Variants in SLK observed in about 807,000 individuals in gnomAD.
The protein encoded by SLK is STE20 like kinase.
Under a neutral mutation model 147.7 loss-of-function variants are expected in SLK, and 67 were observed. The ratio of observed to expected loss-of-function variants is 0.45; its 90% CI spans 0.37 to 0.56. SLK has a LOEUF of 0.56. Ranked by LOEUF, SLK falls within the 20% of genes least tolerant of loss-of-function variation. The probability of loss-of-function intolerance (pLI) is 0.00; values close to 1 mark genes in which losing one functional copy is unlikely to be tolerated. For missense variants in SLK, 1,136 were observed against 1,438.8 expected (o/e 0.79, Z 3.41); for synonymous variants, 441 against 475.0 (o/e 0.93, Z 0.93).
At chr10:104,019,631 G>T (rs1007301567) in intron 15 of SLK, 103 bp from the exon 16 acceptor site, 4 of 905,722 alleles carry the variant, frequency 4.4e-6, no homozygotes, top group Non-Finnish European at 5.3e-6. Flanking sequence ...CAAGGGAGAG[G>T]GTAATTATAG....
chr10:103,993,319 A>T (rs1844125525), intron 4 of SLK, among the ~76,000 whole-genome samples, 186 bp downstream of exon 4: 1 of 152,100 alleles, frequency 6.6e-6, no homozygotes, highest in Non-Finnish European at 1.5e-5. Context: ...AAATATCAGC[A>T]CCTAATTGAA....
chr10:104,019,142 C>G, intron 15 of SLK: 1 of 365,914 alleles, frequency 2.7e-6, no homozygotes, highest in East Asian at 5.7e-5. Flanking sequence ...AGACGTTTTA[C>G]ACCTTGTAAT....
At chr10:103,968,146 A>C (rs1475624932) in intron 1 of SLK, among the ~76,000 whole-genome samples, 1 of 152,222 alleles carries the variant, frequency 6.6e-6, no homozygotes, top group Non-Finnish European at 1.5e-5. Context: ...CTACTCTTTC[A>C]AACTTCAAAG....
intron 11 of SLK, among the ~76,000 whole-genome samples, chr10:104,006,275 T>C (rs1589540565): frequency 2.0e-5 from 3 of 152,186 alleles, no homozygotes; most frequent in Admixed American, 2.0e-4. Context: ...GTTTATGGTG[T>C]GATGGGTTGT....
intron 13 of SLK, among the ~76,000 whole-genome samples, chr10:104,014,811 A>C (rs1224847888): frequency 1.3e-5 from 2 of 152,054 alleles, no homozygotes; most frequent in African/African-American, 4.8e-5. Flanking sequence ...TTTACAATTT[A>C]TGTGTTTACT....
rs771759095 is a variant in SLK, at chr10:104,025,712, G to A, written c.3700G>A (p.Gly1234Arg). Reference protein sequence around the residue: ...FYPIPSLHSTGS With the variant: ...FYPIPSLHSTRS ...TCCTATTCCCAGCTTGCATTCCACC[G>A]GATCATAACAAAGGGAAGCATTCTG... The change falls in exon 19 of 19, where the codon GGA becomes AGA. Residue 1234 changes from glycine (G) to arginine (R), a missense_variant. By Grantham distance (125) the Gly-to-Arg change is moderately radical. Coordinates refer to ENST00000369755, the MANE Select transcript of SLK (RefSeq NM_014720.4). 13 of 1,613,758 alleles carry A rather than the reference G, an allele frequency of 8.1e-6. No individual in the cohort carries two copies. Among genetic ancestry groups the A allele is most frequent in the South Asian group, 1.1e-5 (1 of 91,070 alleles).
At chr10:104,013,618 A>G (rs866885304) in intron 13 of SLK, among the ~76,000 whole-genome samples, 1 of 152,228 alleles carries the variant, frequency 6.6e-6, no homozygotes, top group Non-Finnish European at 1.5e-5. Flanking sequence ...GGTGCATTCT[A>G]TTCTGATCCA....
chr10:104,010,979 G>A (rs899559710), intron 13 of SLK, 71 bp downstream of exon 13: 2 of 923,502 alleles, frequency 2.2e-6, no homozygotes, highest in African/African-American at 1.7e-5. Flanking sequence ...AACCATGGTT[G>A]AAAGGGTAAA....
In SLK at chr10:104,010,173, T is replaced by A. The variant is rs539133016; in HGVS notation, c.2785-643T>A. Among the ~76,000 whole-genome samples, 39 of 152,332 alleles carry A rather than the reference T, an allele frequency of 2.6e-4. 1 individual carries two copies. In the South Asian group the frequency reaches 6.2e-3, roughly 24 times the overall value. ...CAATTTTTAAGTTGACAGGCTTAGC[T>A]TAACTTGTCAGCAAAGGGGAATATT... On this transcript the variant is annotated intron_variant, in intron 12 of 18. Transcript: ENST00000369755.
intron 6 of SLK, 127 bp from the exon 7 acceptor site, chr10:103,999,740 A>G: frequency 2.0e-6 from 1 of 505,990 alleles, no homozygotes; most frequent in Non-Finnish European, 3.6e-6. Flanking sequence ...CTCATTAACT[A>G]GTTATTTAAA....
chr10:103,967,657 C>T lies in SLK; in HGVS notation c.-89C>T, dbSNP rs1843732760. The stretch of plus-strand genomic sequence containing the variant: ...GGACGCCGCGCCCGCCGCCGCCAGC[C>T]GGGCTCGCGCGGGAGAGCAGGGAAG... On this transcript the variant is annotated 5_prime_UTR_variant, in exon 1 of 19. Coordinates refer to ENST00000369755, the MANE Select transcript of SLK (RefSeq NM_014720.4). 2.5e-6 allele frequency: 3 copies of T among 1,222,214 alleles called. No homozygotes were observed. Among genetic ancestry groups the T allele is most frequent in the Non-Finnish European group, 3.2e-6 (3 of 926,816 alleles). The allele number at this position is 1,222,214 out of a possible 1,614,324, so 75.7% of individuals were successfully genotyped here.
intron 1 of SLK, among the ~76,000 whole-genome samples, chr10:103,976,111 C>G (rs1404332630): frequency 6.6e-6 from 1 of 152,056 alleles, no homozygotes; most frequent in Non-Finnish European, 1.5e-5. Context: ...CCATGTTGCC[C>G]AGGCTGGTCT....
chr10:104,006,468 T>C (rs2134505655), intron 11 of SLK, among the ~76,000 whole-genome samples: 1 of 152,324 alleles, frequency 6.6e-6, no homozygotes, highest in Non-Finnish European at 1.5e-5. Context: ...TTTTTAAAAA[T>C]GTGCTTTATT....
Position 103,992,638 on chromosome 10 carries a change from T to G in SLK, c.356T>G (p.Val119Gly). ...TGTGCAGGTGGAGCAGTAGATGCTG[T>G]GATGCTTGGTAAATACCTTTTTGTT... ...EFCAGGAVDA[V>G]MLELERPLTE... Residue 119 changes from valine (V) to glycine (G), a missense_variant, in exon 3 of 19, where the codon GTG becomes GGG. Physicochemically the swap from Val to Gly is moderately radical, Grantham distance 109. Coordinates refer to ENST00000369755, the MANE Select transcript of SLK (RefSeq NM_014720.4). The G allele has an allele frequency of 1.0e-6, 1 of 995,782 alleles. No individual in the cohort carries two copies. The highest frequency in any genetic ancestry group is 1.3e-6 in the Non-Finnish European group (1 of 751,942). 61.7% of individuals were successfully genotyped at this position (995,782 alleles called of 1,614,324 possible). A position where few individuals can be genotyped will look rare whatever the true frequency, so the allele number is the denominator to read the frequency against.
chr10:103,992,555 T>G, intron 2 of SLK, 43 bp from the exon 3 acceptor site: 2 of 1,371,000 alleles, frequency 1.5e-6, no homozygotes, highest in Non-Finnish European at 1.9e-6. Context: ...CAAAACTCCA[T>G]GTAGTTTTAG....
chr10:103,994,754 T>C (rs1327302550), intron 4 of SLK, among the ~76,000 whole-genome samples: 1 of 152,226 alleles, frequency 6.6e-6, no homozygotes, highest in Non-Finnish European at 1.5e-5. Flanking sequence ...CACTGATCCA[T>C]GGAACCTGGG....
chr10:103,967,933 A>C (rs1224921766), intron 1 of SLK, 38 bp downstream of exon 1: 1 of 1,608,054 alleles, frequency 6.2e-7, no homozygotes, highest in Admixed American at 1.7e-5. Context: ...CTGCGAAGGT[A>C]AAACAGCCAC....
At chr10:103,992,292 G>A (rs1844107263) in intron 2 of SLK, among the ~76,000 whole-genome samples, 1 of 151,814 alleles carries the variant, frequency 6.6e-6, no homozygotes, top group Non-Finnish European at 1.5e-5. Flanking sequence ...TTTCATTGGT[G>A]ACCAAATAGC....
intron 4 of SLK, among the ~76,000 whole-genome samples, chr10:103,997,923 A>G (rs1208216929): frequency 1.3e-5 from 2 of 152,152 alleles, no homozygotes; most frequent in Admixed American, 6.5e-5. Context: ...TGTGTACCTT[A>G]TCAATATACT....
Sources: allele counts gnomAD v4.1 joint callset (sites outside exome capture counted in the v4.1 genomes callset), GRCh38; gene constraint gnomAD v4.1.1; transcripts MANE v1.5; gene names NCBI Gene and HGNC (gene_info 2026-07-23, HGNC 2026-07-21).